Variants in MAP3K9 observed in about 807,000 individuals in gnomAD.
MAP3K9 encodes the protein mixed lineage kinase 1 (tyr and ser/thr specificity).
In MAP3K9, 46 loss-of-function variants were observed where a neutral mutation model predicts 95.8. The ratio of observed to expected loss-of-function variants is 0.48; its 90% confidence interval spans 0.38 to 0.61. The LOEUF (loss-of-function observed/expected upper bound fraction) is 0.61, where lower values mean the gene tolerates loss of function less well. Among genes scored for constraint, MAP3K9 ranks in the 20% least tolerant of loss-of-function variants. MAP3K9 has a pLI of 0.00. For synonymous variants in MAP3K9, 533 were observed against 593.8 expected (o/e 0.90, Z 1.49); for missense variants, 1,296 against 1,474.3 (o/e 0.88, Z 1.98).
intron 2 of MAP3K9, among the ~76,000 whole-genome samples, chr14:70,762,127 T>A (rs371408068): frequency 6.6e-6 from 1 of 152,252 alleles, no homozygotes; most frequent in African/African-American, 2.4e-5. Flanking sequence ...ATGTACATAT[T>A]ACAGTTTATC....
chr14:70,808,917 G>T lies in MAP3K9; in HGVS notation c.255C>A (p.Asp85Glu). 1 of 1,592,482 alleles carries T rather than the reference G, an allele frequency of 6.3e-7. No homozygotes were observed. The highest frequency in any genetic ancestry group is 8.5e-7 in the Non-Finnish European group (1 of 1,173,720). ...LGDVVEVLSK[D>E]SQVSGDEGWW... ...AGCCCTCGTCGCCGGACACCTGCGA[G>T]TCCTTGGACAGCACCTCCACCACGT... The change falls in exon 1 of 12, where the codon GAC becomes GAA. Residue 85 changes from aspartate (D) to glutamate (E), a missense_variant. By Grantham distance (45) the Asp-to-Glu change is conservative. This residue lies in a region of MAP3K9 where 338 missense variants were observed against 363.4 expected (regional missense o/e 0.93). Transcript: ENST00000554752.
At chr14:70,769,415 C>G (rs1342198533) in intron 2 of MAP3K9, among the ~76,000 whole-genome samples, 1 of 152,178 alleles carries the variant, frequency 6.6e-6, no homozygotes, top group Non-Finnish European at 1.5e-5. Flanking sequence ...ATGTACACAT[C>G]TCTAAATAAG....
intron 5 of MAP3K9, among the ~76,000 whole-genome samples, chr14:70,744,199 TG>T (rs1182776124): frequency 6.6e-6 from 1 of 151,036 alleles, no homozygotes; most frequent in African/African-American, 2.4e-5. Context: ...CCTGTGGGAG[TG>T]GGGGGCTAGG....
chr14:70,806,448 C>G (rs1008432132), intron 1 of MAP3K9, among the ~76,000 whole-genome samples: 1 of 152,168 alleles, frequency 6.6e-6, no homozygotes, highest in African/African-American at 2.4e-5. Context: ...TAGTCAAGAT[C>G]AGAACTCCTA....
intron 2 of MAP3K9, among the ~76,000 whole-genome samples, chr14:70,786,392 G>A (rs950982033): frequency 1.6e-4 from 24 of 152,112 alleles, no homozygotes; most frequent in Admixed American, 1.4e-3. Flanking sequence ...GGAGCCAGGA[G>A]TCTACTGCTT....
intron 3 of MAP3K9, among the ~76,000 whole-genome samples, chr14:70,759,877 C>T (rs2054347470): frequency 6.6e-6 from 1 of 152,148 alleles, no homozygotes; most frequent in South Asian, 2.1e-4. Flanking sequence ...ATCTCAGCCT[C>T]CCACGTAGCT....
At chr14:70,775,225 T>C (rs1234169019) in intron 2 of MAP3K9, among the ~76,000 whole-genome samples, 1 of 152,174 alleles carries the variant, frequency 6.6e-6, no homozygotes, top group Admixed American at 6.5e-5. Flanking sequence ...GGTGCAATAC[T>C]AGACACTTCA....
chr14:70,730,106 T>A lies in MAP3K9; in HGVS notation c.*274A>T. The A allele has an allele frequency of 2.2e-6, 1 of 450,814 alleles. No homozygotes were observed. The highest frequency in any genetic ancestry group is 4.0e-6 in the Non-Finnish European group (1 of 248,676). The allele number at this position is 450,814 out of a possible 1,614,324, so 27.9% of individuals were successfully genotyped here. ...GGGTCACTCTAAAGGCAAGGAAGAC[T>A]GTGGAGGGTGGGGGACATGCATGCA... On this transcript the variant is annotated 3_prime_UTR_variant, in exon 12 of 12. Coordinates refer to ENST00000554752, the MANE Select transcript of MAP3K9 (RefSeq NM_001284230.2).
Position 70,740,087 on chromosome 14 carries a change from G to A in MAP3K9, c.1645C>T (p.Pro549Ser). 1.2e-6 allele frequency: 2 copies of A among 1,614,178 alleles called. No individual in the cohort carries two copies. The highest frequency in any genetic ancestry group is 1.7e-6 in the Non-Finnish European group (2 of 1,180,024). Residue 549 changes from proline (P) to serine (S), a missense_variant, in exon 7 of 12, where the codon CCT becomes TCT. Pro to Ser is a moderately conservative substitution (Grantham distance 74). This residue lies in a region of MAP3K9 where 377 missense variants were observed against 417.1 expected (regional missense o/e 0.90). Coordinates refer to ENST00000554752, the MANE Select transcript of MAP3K9 (RefSeq NM_001284230.2). Reference sequence around the variant, plus strand: ...GGAATGATGGTGGGGCTTGCAGGAGGACTGGAGCGGCTGTTGATAAGACTC... The same window carrying A: ...GGAATGATGGTGGGGCTTGCAGGAGAACTGGAGCGGCTGTTGATAAGACTC... ...RKSLINSRSS[P>S]PASPTIIPRL... is the part of the protein sequence containing the mutation.
rs769676505 is a variant in MAP3K9 at position 70,732,919 on chromosome 14, T to C, written c.2450A>G (p.Lys817Arg). ...TAGCAACAGCATGGGCTCCTCCTTCTTGAAAAGCTTTCGGGATGGGGGGCT... is the reference window on the plus strand; with the variant it reads ...TAGCAACAGCATGGGCTCCTCCTTCCTGAAAAGCTTTCGGGATGGGGGGCT... Reference protein sequence around the residue: ...STSPPSRKLFKKEEPMLLLGD... With the variant: ...STSPPSRKLFRKEEPMLLLGD... The change falls in exon 11 of 12, where the codon AAG becomes AGG. Residue 817 changes from lysine to arginine, a missense_variant. By Grantham distance (26) the Lys-to-Arg change is conservative. Coordinates refer to ENST00000554752, the MANE Select transcript of MAP3K9 (RefSeq NM_001284230.2). The C allele has an allele frequency of 1.2e-6, 2 of 1,613,982 alleles. No individual in the cohort carries two copies. The highest frequency in any genetic ancestry group is 1.7e-6 in the Non-Finnish European group (2 of 1,179,912).
At chr14:70,776,367 C>T (rs974059811) in intron 2 of MAP3K9, among the ~76,000 whole-genome samples, 1 of 152,008 alleles carries the variant, frequency 6.6e-6, no homozygotes, top group Non-Finnish European at 1.5e-5. Context: ...TTGTGGCTTG[C>T]GGGGAGGGTG....
intron 2 of MAP3K9, among the ~76,000 whole-genome samples, chr14:70,785,849 T>C (rs1291705464): frequency 6.6e-6 from 1 of 152,180 alleles, no homozygotes; most frequent in Admixed American, 6.5e-5. Context: ...TGGTGTGCAA[T>C]TTAAAACTTA....
chr14:70,739,130 CT>C, intron 7 of MAP3K9, among the ~76,000 whole-genome samples: 1 of 152,276 alleles, frequency 6.6e-6, no homozygotes, highest in Middle Eastern at 3.4e-3. Flanking sequence ...AGCTAGAAAT[CT>C]TGGATTTTTC....
At chr14:70,746,025 T>C (rs1226620344) in intron 5 of MAP3K9, among the ~76,000 whole-genome samples, 1 of 152,234 alleles carries the variant, frequency 6.6e-6, no homozygotes, top group Non-Finnish European at 1.5e-5. Flanking sequence ...TGTTTCTCTG[T>C]CCTATGACTT....
chr14:70,783,518 CA>C, intron 2 of MAP3K9: 3 of 533,460 alleles, frequency 5.6e-6, no homozygotes, highest in Non-Finnish European at 7.2e-6. Flanking sequence ...CCAGGAGCAG[CA>C]AAATCCAAAT....
chr14:70,749,527 C>T (rs535892825), intron 4 of MAP3K9: 8 of 170,380 alleles, frequency 4.7e-5, no homozygotes, highest in East Asian at 1.6e-4. Context: ...CACTCAACTT[C>T]GCTTAGCTTT....
At position 70,809,422 on chromosome 14, in the gene MAP3K9, C is replaced by T. The variant is rs1036200254; in HGVS notation, c.-251G>A. 1 of 347,266 alleles carries T rather than the reference C, an allele frequency of 2.9e-6. No homozygotes were observed. The highest frequency in any genetic ancestry group is 5.1e-6 in the Non-Finnish European group (1 of 197,746). The allele number at this position is 347,266 out of a possible 1,614,324, so 21.5% of individuals were successfully genotyped here. On this transcript the variant is annotated 5_prime_UTR_variant, in exon 1 of 12. Coordinates refer to ENST00000554752, the MANE Select transcript of MAP3K9 (RefSeq NM_001284230.2). The stretch of plus-strand genomic sequence containing the variant: ...CCGAGTCCCCGCCTGCCCGCTCGCC[C>T]CCCCGGGGGCGGCCTCGTCACCTCT...
At chr14:70,788,801 TAC>T (rs1258555345) in intron 2 of MAP3K9, among the ~76,000 whole-genome samples, 1 of 152,160 alleles carries the variant, frequency 6.6e-6, no homozygotes, top group Non-Finnish European at 1.5e-5. Flanking sequence ...AAAGCTCTTA[TAC>T]AGAGATGAAA....
chr14:70,806,311 A>T (rs994812363), intron 1 of MAP3K9, among the ~76,000 whole-genome samples: 6 of 152,200 alleles, frequency 3.9e-5, no homozygotes, highest in Non-Finnish European at 8.8e-5. Flanking sequence ...CTTATAAGCA[A>T]CTTCTGATCT....
Sources: gnomAD v4.1 joint callset for allele counts (sites outside exome capture counted in the v4.1 genomes callset) on GRCh38, gnomAD v4.1.1 for gene constraint, gnomAD v4.1.1 regional missense constraint, MANE v1.5 for transcripts, NCBI Gene and HGNC (gene_info 2026-07-23, HGNC 2026-07-21) for gene names.